The following PPP1R12A variants were observed in gnomAD, a reference collection of about 807,000 sequenced individuals.
The protein encoded by PPP1R12A is protein phosphatase 1 regulatory subunit 12A.
In PPP1R12A, 19 loss-of-function variants were observed where a neutral mutation model predicts 139.6. That is an observed-to-expected ratio of 0.14 (90% CI 0.09 to 0.20). The LOEUF (loss-of-function observed/expected upper bound fraction) is 0.20, where lower values mean the gene tolerates loss of function less well. Among genes scored for constraint, PPP1R12A ranks in the 10% least tolerant of loss-of-function variants. PPP1R12A has a pLI of 1.00. For missense variants in PPP1R12A, 925 were observed against 1,211.5 expected, an observed-to-expected ratio of 0.76 and a Z score of 3.51; for synonymous variants, 427 against 420.6, an observed-to-expected ratio of 1.02 and a Z score of -0.19.
In PPP1R12A at chr12:79,788,901, G is replaced by T. The variant is rs1005358754; in HGVS notation, c.2667-118C>A. ...AAAGAGTAGGTCACAGTCTCCCTCT[G>T]TTATCTGATTAATTTTTGTGATATA... On this transcript the variant is annotated intron_variant, in intron 20 of 24. Coordinates refer to ENST00000450142, the MANE Select transcript of PPP1R12A (RefSeq NM_002480.3). 1.9e-5 allele frequency: 16 copies of T among 827,652 alleles called. No homozygotes were observed. In the South Asian group the frequency reaches 3.9e-4, roughly 20 times the overall value. The allele number at this position is 827,652 out of a possible 1,614,324, so 51.3% of individuals were successfully genotyped here.
At chr12:79,889,922 T>A (rs920675050) in intron 1 of PPP1R12A, among the ~76,000 whole-genome samples, 3 of 152,142 alleles carry the variant, frequency 2.0e-5, no homozygotes, top group African/African-American at 4.8e-5. Context: ...GCCTCTTTTA[T>A]AAGAGCACTA....
intron 1 of PPP1R12A, among the ~76,000 whole-genome samples, chr12:79,884,674 A>C (rs1883946047): frequency 6.6e-6 from 1 of 152,170 alleles, no homozygotes; most frequent in Admixed American, 6.5e-5. Flanking sequence ...AAGAAGCAGA[A>C]CGGCTCAAAT....
intron 1 of PPP1R12A, among the ~76,000 whole-genome samples, chr12:79,899,982 T>C (rs1375042654): frequency 6.6e-6 from 1 of 152,226 alleles, no homozygotes; most frequent in African/African-American, 2.4e-5. Flanking sequence ...TTGCATATTA[T>C]TCATATATTT....
chr12:79,792,101 C>T (rs1871949553), intron 19 of PPP1R12A, among the ~76,000 whole-genome samples: 1 of 152,068 alleles, frequency 6.6e-6, no homozygotes, highest in Non-Finnish European at 1.5e-5. Flanking sequence ...TTCCTCATCC[C>T]TCCATTCTCT....
intron 1 of PPP1R12A, among the ~76,000 whole-genome samples, chr12:79,896,070 G>A (rs1346539135): frequency 1.3e-5 from 2 of 151,966 alleles, no homozygotes; most frequent in African/African-American, 2.4e-5. Context: ...GGGTCATAAA[G>A]TACAAGAAAC....
chr12:79,892,503 A>C (rs1884748534), intron 1 of PPP1R12A, among the ~76,000 whole-genome samples: 1 of 152,192 alleles, frequency 6.6e-6, no homozygotes, highest in Non-Finnish European at 1.5e-5. Context: ...TTTAAAAAAG[A>C]AATGTCAACT....
At chr12:79,812,745 A>G (rs1874767284) in intron 9 of PPP1R12A, among the ~76,000 whole-genome samples, 1 of 152,128 alleles carries the variant, frequency 6.6e-6, no homozygotes, top group Non-Finnish European at 1.5e-5. Flanking sequence ...TATGTCTAAA[A>G]TAAAACACCT....
intron 9 of PPP1R12A, among the ~76,000 whole-genome samples, chr12:79,817,075 GA>G (rs56898555): frequency 0.12 from 16,842 of 146,414 alleles, 1,760 homozygotes; most frequent in African/African-American, 0.28. Flanking sequence ...AAGTTCAATA[GA>G]AAAAAAAAAC....
intron 1 of PPP1R12A, among the ~76,000 whole-genome samples, chr12:79,902,421 A>G (rs1009714535): frequency 3.9e-5 from 6 of 152,176 alleles, no homozygotes; most frequent in Admixed American, 2.0e-4. Flanking sequence ...ATTTTATGCT[A>G]GAGTCTTGAA....
At chr12:79,780,269 G>A (rs1169848260) in intron 23 of PPP1R12A, 2 of 151,782 alleles carry the variant, frequency 1.3e-5, no homozygotes, top group Admixed American at 1.3e-4. Context: ...TAGAGAAAAT[G>A]CATGTAAAGT....
At position 79,777,278 on chromosome 12, in the gene PPP1R12A, A is replaced by G. The variant is rs187180533; in HGVS notation, c.3007-1263T>C. On this transcript the variant is annotated intron_variant, in intron 24 of 24. Transcript: ENST00000450142. ...CTAAAAAATGTGCAAAAGCTTTACA[A>G]AAGTACAGATAAGTCTTTAACTTAA... 214 of 972,738 alleles carry G rather than the reference A, an allele frequency of 2.2e-4. No homozygotes were observed. In the African/African-American group the frequency reaches 3.5e-3, roughly 16 times the overall value. 60.3% of individuals were successfully genotyped at this position (972,738 alleles called of 1,614,324 possible).
At chr12:79,899,233 A>AAT (rs58319454) in intron 1 of PPP1R12A, among the ~76,000 whole-genome samples, 195 of 141,692 alleles carry the variant, frequency 1.4e-3, no homozygotes, top group East Asian at 6.1e-3. Flanking sequence ...AGATCTTAAA[A>AAT]ATATATATAT....
intron 1 of PPP1R12A, among the ~76,000 whole-genome samples, chr12:79,904,203 A>C (rs778173879): frequency 1.3e-5 from 2 of 151,716 alleles, no homozygotes; most frequent in Non-Finnish European, 2.9e-5. Flanking sequence ...TGACAGAGTA[A>C]GACTCTGTCT....
chr12:79,904,488 G>A (rs935840008), intron 1 of PPP1R12A, among the ~76,000 whole-genome samples: 1 of 151,924 alleles, frequency 6.6e-6, no homozygotes, highest in African/African-American at 2.4e-5. Context: ...GCTGTGCTAG[G>A]TACTTTCACA....
intron 2 of PPP1R12A, among the ~76,000 whole-genome samples, chr12:79,860,417 T>TAC (rs1307989095): frequency 6.6e-6 from 1 of 152,118 alleles, no homozygotes; most frequent in Non-Finnish European, 1.5e-5. Flanking sequence ...TAATGAATAC[T>TAC]ACACAGTGGA....
At chr12:79,865,305 G>A (rs1057432288) in intron 2 of PPP1R12A, among the ~76,000 whole-genome samples, 5 of 152,132 alleles carry the variant, frequency 3.3e-5, no homozygotes, top group Admixed American at 6.5e-5. Flanking sequence ...ACTAGGTATC[G>A]ATGGAACGTA....
At chr12:79,935,132 C>T (rs1228408826), upstream of PPP1R12A, 2 of 1,361,114 alleles carry the variant, frequency 1.5e-6, no homozygotes, top group East Asian at 3.0e-5. Context: ...ACCTCCCTTC[C>T]TACCACAGAA....
chr12:79,886,259 A>G (rs1403060190), intron 1 of PPP1R12A, among the ~76,000 whole-genome samples: 1 of 152,314 alleles, frequency 6.6e-6, no homozygotes, highest in East Asian at 1.9e-4. Flanking sequence ...CAGTACTCCT[A>G]TACTAAATAA....
At chr12:79,879,296 G>T (rs1883406693) in intron 1 of PPP1R12A, among the ~76,000 whole-genome samples, 1 of 152,150 alleles carries the variant, frequency 6.6e-6, no homozygotes, top group South Asian at 2.1e-4. Context: ...GAACCTGGGA[G>T]GCGGAGGTTG....
Sources: allele counts gnomAD v4.1 joint callset (sites outside exome capture counted in the v4.1 genomes callset), GRCh38; gene constraint gnomAD v4.1.1; transcripts MANE v1.5; gene names NCBI Gene and HGNC (gene_info 2026-07-23, HGNC 2026-07-21).